RANGAP1: variants seen among roughly 807,000 people sequenced by gnomAD.
RANGAP1 encodes the protein ran GTPase-activating protein 1.
A neutral mutation model predicts 63.5 loss-of-function variants in RANGAP1; 38 were observed. The ratio of observed to expected loss-of-function variants is 0.60; its 90% confidence interval spans 0.46 to 0.78. The LOEUF (loss-of-function observed/expected upper bound fraction) is 0.78, where lower values mean the gene tolerates loss of function less well. Among genes scored for constraint, RANGAP1 ranks in the 30% least tolerant of loss-of-function variants. RANGAP1 has a pLI of 0.00. For synonymous variants in RANGAP1, 329 were observed against 310.5 expected (o/e 1.06, Z -0.63); for missense variants, 630 against 740.3 (o/e 0.85, Z 1.73).
chr22:41,299,554 C>G, the RANGAP1 span, among the ~76,000 whole-genome samples: 2 of 152,196 alleles, frequency 1.3e-5, no homozygotes, highest in East Asian at 3.9e-4. Flanking sequence ...CAGATGTGAG[C>G]CACCGTGCCG....
chr22:41,290,860 T>C (rs2035830517), upstream of RANGAP1, among the ~76,000 whole-genome samples: 1 of 152,242 alleles, frequency 6.6e-6, no homozygotes, highest in African/African-American at 2.4e-5. Flanking sequence ...ATGGCTAAAG[T>C]ATGCCAGACA....
intron 1 of RANGAP1, among the ~76,000 whole-genome samples, chr22:41,284,290 G>A (rs9623368): frequency 0.044 from 6,716 of 152,092 alleles, 492 homozygotes; most frequent in African/African-American, 0.15. Context: ...TAACCAGGCC[G>A]GGTGCGGTAG....
chr22:41,283,326 T>A (rs1466954153), intron 1 of RANGAP1, among the ~76,000 whole-genome samples: 2 of 151,784 alleles, frequency 1.3e-5, no homozygotes, highest in Non-Finnish European at 2.9e-5. Flanking sequence ...CAGGCCAACA[T>A]GGTGAAACCC....
Position 41,249,715 on chromosome 22 carries a change from C to T in RANGAP1, c.1572+14G>A, listed in dbSNP as rs780164438. On this transcript the variant is annotated intron_variant, in intron 14 of 15. Coordinates refer to ENST00000356244, the MANE Select transcript of RANGAP1 (RefSeq NM_002883.4). Reference sequence around the variant, plus strand: ...CCACCTCCCTCCCGGGCCTGCTGTTCCTTCCGGCCTCACCTTGAGCAGACC... The same window carrying T: ...CCACCTCCCTCCCGGGCCTGCTGTTTCTTCCGGCCTCACCTTGAGCAGACC... 6.8e-6 allele frequency: 11 copies of T among 1,607,920 alleles called. No individual in the cohort carries two copies. In the South Asian group the frequency reaches 1.1e-4, roughly 16 times the overall value.
At chr22:41,271,956 G>C (rs1162942403) in intron 3 of RANGAP1, among the ~76,000 whole-genome samples, 2 of 152,258 alleles carry the variant, frequency 1.3e-5, no homozygotes, top group South Asian at 2.1e-4. Context: ...TGATTCACTC[G>C]AGCCACTGCA....
intron 6 of RANGAP1, among the ~76,000 whole-genome samples, chr22:41,259,891 A>T (rs1569184393): frequency 1.3e-5 from 2 of 152,132 alleles, no homozygotes; most frequent in Non-Finnish European, 2.9e-5. Flanking sequence ...CTGTAGTCCC[A>T]GCTAATCGGG....
chr22:41,296,513 G>A, the RANGAP1 span, among the ~76,000 whole-genome samples: 1 of 151,966 alleles, frequency 6.6e-6, no homozygotes, highest in Non-Finnish European at 1.5e-5. Flanking sequence ...CGGGTGTGGT[G>A]GCACATGCCT....
the RANGAP1 span, among the ~76,000 whole-genome samples, chr22:41,301,075 A>C: frequency 6.6e-6 from 1 of 152,134 alleles, no homozygotes; most frequent in African/African-American, 2.4e-5. Flanking sequence ...GTCTTTAACA[A>C]GTGTCATTCA....
At chr22:41,278,860 C>T (rs2035312571) in intron 2 of RANGAP1, among the ~76,000 whole-genome samples, 3 of 152,122 alleles carry the variant, frequency 2.0e-5, no homozygotes, top group South Asian at 2.1e-4. Context: ...AATAAGGGGC[C>T]GGGCACGGTG....
At chr22:41,255,959 C>G (rs1344078615) in intron 10 of RANGAP1, 62 bp downstream of exon 10, 2 of 1,512,898 alleles carry the variant, frequency 1.3e-6, no homozygotes, top group Non-Finnish European at 1.8e-6. Flanking sequence ...ATCTCAAGAA[C>G]AAAAGAAAGA....
chr22:41,253,505 T>C (rs1023355226), intron 11 of RANGAP1, among the ~76,000 whole-genome samples: 4 of 152,216 alleles, frequency 2.6e-5, no homozygotes, highest in African/African-American at 9.7e-5. Flanking sequence ...GGAGCTTTAC[T>C]TAGGAACCTG....
intron 3 of RANGAP1, among the ~76,000 whole-genome samples, chr22:41,269,066 T>G (rs941795160): frequency 6.6e-6 from 1 of 152,204 alleles, no homozygotes; most frequent in Non-Finnish European, 1.5e-5. Context: ...TGAAATTACA[T>G]GAAAGTTTGC....
At chr22:41,282,665 T>G (rs574038157) in intron 1 of RANGAP1, among the ~76,000 whole-genome samples, 1 of 152,216 alleles carries the variant, frequency 6.6e-6, no homozygotes, top group African/African-American at 2.4e-5. Flanking sequence ...TGAGAACTCC[T>G]GCGCCTGCTC....
At chr22:41,279,324 G>T (rs190907642) in intron 2 of RANGAP1, among the ~76,000 whole-genome samples, 6 of 152,148 alleles carry the variant, frequency 3.9e-5, no homozygotes, top group Admixed American at 3.9e-4. Flanking sequence ...CAAAAAATTA[G>T]CGGAGCATGG....
At chr22:41,290,048 G>C (rs886889597), upstream of RANGAP1, among the ~76,000 whole-genome samples, 1 of 151,868 alleles carries the variant, frequency 6.6e-6, no homozygotes, top group African/African-American at 2.4e-5. Flanking sequence ...GGCTGATGCA[G>C]GAGGATCCTT....
chr22:41,254,392 CTCCTCCTCTTCTTCCTCCTCT>C lies in RANGAP1; in HGVS notation c.1155_1175del (p.Glu391_Glu397del). The C allele has an allele frequency of 6.2e-7, 1 of 1,613,950 alleles. No individual in the cohort carries two copies. The highest frequency in any genetic ancestry group is 8.5e-7 in the Non-Finnish European group (1 of 1,179,890). On this transcript the variant is annotated inframe_deletion, in exon 11 of 16. Transcript: ENST00000356244. ...GCTGCTGAGGCTCTTCTTCCTCCTC[CTCCTCCTCTTCTTCCTCCTCT>C]TCCTCATCTTCCTCCTCCTCTTCTT... is the stretch of plus-strand genomic sequence containing the variant.
rs2033577404 is a variant in RANGAP1, at chr22:41,253,010, G to A, written c.1261-19C>T. The A allele has an allele frequency of 7.0e-7, 1 of 1,436,286 alleles. No homozygotes were observed. The highest frequency in any genetic ancestry group is 9.1e-7 in the Non-Finnish European group (1 of 1,093,310). The allele number at this position is 1,436,286 out of a possible 1,614,324, so 89.0% of individuals were successfully genotyped here. On this transcript the variant is annotated intron_variant, in intron 11 of 15. Transcript: ENST00000356244. ...CTGGCTCCTGGGAAGTAGGGGCACA[G>A]AGGCTCTGGAGAATTCCGGACCCCA...
intron 5 of RANGAP1, among the ~76,000 whole-genome samples, chr22:41,264,182 C>T (rs1297970731): frequency 6.6e-6 from 1 of 152,190 alleles, no homozygotes; most frequent in Non-Finnish European, 1.5e-5. Context: ...AGCAAAGAAG[C>T]TCCACTCTAC....
intron 13 of RANGAP1, 72 bp downstream of exon 13, chr22:41,250,935 C>A (rs891930412): frequency 2.3e-6 from 3 of 1,316,378 alleles, no homozygotes; most frequent in African/African-American, 1.5e-5. Context: ...GTTACGGCAA[C>A]CACGAAGGAT....
Sources: gnomAD v4.1 joint callset for allele counts (sites outside exome capture counted in the v4.1 genomes callset) on GRCh38, gnomAD v4.1.1 for gene constraint, MANE v1.5 for transcripts, NCBI Gene and HGNC (gene_info 2026-07-23, HGNC 2026-07-21) for gene names.